ANKFN1: variants seen among roughly 807,000 people sequenced by gnomAD.
ANKFN1 encodes ankyrin repeat and fibronectin type III domain containing 1, also known as ankyrin repeat and fibronectin type-III domain-containing protein 1.
In ANKFN1, 74 loss-of-function variants were observed where a neutral mutation model predicts 108.7. The observed-to-expected ratio is 0.68, with a 90% CI of 0.56 to 0.83. The LOEUF (loss-of-function observed/expected upper bound fraction) is 0.83. Ranked by LOEUF, ANKFN1 falls within the 40% of genes least tolerant of loss-of-function variation. The pLI, the probability that ANKFN1 is intolerant of heterozygous loss-of-function variation, is 0.00. For missense variants in ANKFN1, 1,505 were observed against 1,382.3 expected (o/e 1.09, Z -1.41); for synonymous variants, 547 against 516.2 (o/e 1.06, Z -0.81).
chr17:56,100,297 T>G (rs1905618933), intron 4 of ANKFN1, among the ~76,000 whole-genome samples: 1 of 152,162 alleles, frequency 6.6e-6, no homozygotes, highest in Non-Finnish European at 1.5e-5. Context: ...CTGCTGGAGC[T>G]CCTAGGATTT....
intron 3 of ANKFN1, among the ~76,000 whole-genome samples, chr17:56,274,134 G>A (rs777785564): frequency 6.6e-6 from 1 of 152,200 alleles, no homozygotes; most frequent in South Asian, 2.1e-4. Context: ...CTGGGAATGG[G>A]GTAGAGAGCA....
intron 2 of ANKFN1, among the ~76,000 whole-genome samples, chr17:56,216,802 G>T (rs1461317125): frequency 6.6e-6 from 1 of 152,120 alleles, no homozygotes; most frequent in East Asian, 1.9e-4. Context: ...GTGAAACTCT[G>T]CCCAGATCAG....
At chr17:56,432,160 A>G (rs544381192) in intron 8 of ANKFN1, among the ~76,000 whole-genome samples, 5 of 152,342 alleles carry the variant, frequency 3.3e-5, no homozygotes, top group African/African-American at 1.2e-4. Context: ...AGTTACATCC[A>G]TTACAGTTTT....
At chr17:56,216,099 G>C (rs1243628923) in intron 2 of ANKFN1, among the ~76,000 whole-genome samples, 5 of 152,206 alleles carry the variant, frequency 3.3e-5, no homozygotes, top group Non-Finnish European at 2.9e-5. Context: ...AAGAACTTCA[G>C]TGGGGCTTTT....
intron 20 of ANKFN1, 77 bp downstream of exon 20, chr17:56,499,175 G>A (rs1645019528): frequency 4.4e-6 from 6 of 1,362,338 alleles, no homozygotes; most frequent in Non-Finnish European, 6.0e-6. Flanking sequence ...GGACTTTTAT[G>A]CTGAGGTATT....
At chr17:56,210,619 G>T (rs917233515) in intron 1 of ANKFN1, among the ~76,000 whole-genome samples, 2 of 152,036 alleles carry the variant, frequency 1.3e-5, no homozygotes, top group African/African-American at 2.4e-5. Context: ...TGAATTATTT[G>T]TTGTATTAGT....
At chr17:56,329,041 C>G (rs1459987304) in intron 4 of ANKFN1, among the ~76,000 whole-genome samples, 1 of 152,118 alleles carries the variant, frequency 6.6e-6, no homozygotes, top group Non-Finnish European at 1.5e-5. Flanking sequence ...TCCTACATCC[C>G]TCCCCTTTCC....
intron 3 of ANKFN1, among the ~76,000 whole-genome samples, chr17:56,322,925 A>T (rs2045411079): frequency 1.3e-5 from 2 of 152,280 alleles, no homozygotes; most frequent in South Asian, 4.1e-4. Flanking sequence ...CGCCCTCCCA[A>T]CCACATTGCT....
At chr17:56,460,061 A>AAAG (rs2049849225) in intron 14 of ANKFN1, among the ~76,000 whole-genome samples, 1 of 151,784 alleles carries the variant, frequency 6.6e-6, no homozygotes, top group African/African-American at 2.4e-5. Flanking sequence ...CCACATAAAA[A>AAAG]AAAAAAATCA....
intron 3 of ANKFN1, among the ~76,000 whole-genome samples, chr17:56,234,797 G>A (rs929912320): frequency 2.6e-5 from 4 of 151,968 alleles, no homozygotes; most frequent in Non-Finnish European, 5.9e-5. Context: ...ATTGTGACAG[G>A]TGTTGCAATG....
chr17:56,459,878 T>A (rs2049842742), intron 14 of ANKFN1, among the ~76,000 whole-genome samples: 1 of 152,168 alleles, frequency 6.6e-6, no homozygotes, highest in South Asian at 2.1e-4. Context: ...ACCTCACCAC[T>A]TTTCATAATG....
rs368048360 is a variant in ANKFN1, at chr17:56,085,524, G to C, written c.288+39199G>C. Among the ~76,000 whole-genome samples the C allele has an allele frequency of 4.0e-5, 6 of 151,094 alleles. 1 individual carries two copies. The South Asian group carries it at 1.3e-3, about 32-fold the overall frequency. ...ACCAATACCTCGATTTCAGACTTCT[G>C]GGTTCCAGAACTGAGGGAGAATAAA... On this transcript the variant is annotated intron_variant, in intron 4 of 12. Coordinates refer to the ANKFN1 transcript ENST00000635860.
At chr17:56,467,092 G>T (rs2050100361) in intron 15 of ANKFN1, among the ~76,000 whole-genome samples, 1 of 152,134 alleles carries the variant, frequency 6.6e-6, no homozygotes, top group Non-Finnish European at 1.5e-5. Flanking sequence ...CTCCAGCCTG[G>T]ACAACAGAGT....
chr17:56,311,871 C>G (rs1224238400), intron 3 of ANKFN1, among the ~76,000 whole-genome samples: 1 of 152,172 alleles, frequency 6.6e-6, no homozygotes, highest in Non-Finnish European at 1.5e-5. Flanking sequence ...TGAAACACTT[C>G]TGGTCCCAAG....
chr17:56,239,567 A>G (rs1285870553), intron 3 of ANKFN1, among the ~76,000 whole-genome samples: 1 of 152,146 alleles, frequency 6.6e-6, no homozygotes, highest in African/African-American at 2.4e-5. Flanking sequence ...AAAAGGAATC[A>G]GAGCTGCTCT....
chr17:56,262,560 C>G (rs746392300), intron 3 of ANKFN1, among the ~76,000 whole-genome samples: 23 of 152,068 alleles, frequency 1.5e-4, no homozygotes, highest in Admixed American at 3.3e-4. Context: ...CAACCGTATT[C>G]CTGCATGTTT....
intron 4 of ANKFN1, among the ~76,000 whole-genome samples, chr17:56,146,478 C>G (rs1037289875): frequency 1.2e-4 from 18 of 152,220 alleles, no homozygotes; most frequent in African/African-American, 4.3e-4. Context: ...TCTGCCTGGA[C>G]ATCCAGGCAT....
intron 4 of ANKFN1, among the ~76,000 whole-genome samples, chr17:56,123,795 TTG>T (rs58283151): frequency 0.37 from 53,626 of 144,474 alleles, 9,813 homozygotes; most frequent in East Asian, 0.53. Context: ...GCATGACTGA[TTG>T]TGTGTGTGTG....
chr17:56,169,944 TAGACTGCAG>T (rs924870472), intron 1 of ANKFN1, among the ~76,000 whole-genome samples: 1 of 152,120 alleles, frequency 6.6e-6, no homozygotes, highest in Non-Finnish European at 1.5e-5. Context: ...TCCAGAAGCT[TAGACTGCAG>T]AGATTGGGTT....
Sources: gnomAD v4.1 joint callset for allele counts (sites outside exome capture counted in the v4.1 genomes callset) on GRCh38, gnomAD v4.1.1 for gene constraint, MANE v1.5 for transcripts, NCBI Gene and HGNC (gene_info 2026-07-23, HGNC 2026-07-21) for gene names.